The following DSTYK variants were observed in gnomAD, a reference collection of about 807,000 sequenced individuals.
DSTYK encodes the protein RIP-homologous kinase.
In DSTYK, 34 loss-of-function variants were observed where a neutral mutation model predicts 98.7. The observed-to-expected ratio is 0.34, with a 90% CI of 0.26 to 0.46. The LOEUF is 0.46. DSTYK is among the 20% of genes least tolerant of loss of function. DSTYK has a pLI of 1.00. For missense variants in DSTYK, 962 were observed against 1,181.7 expected, an observed-to-expected ratio of 0.81 and a Z score of 2.73; for synonymous variants, 462 against 457.3, an observed-to-expected ratio of 1.01 and a Z score of -0.13.
chr1:205,161,934 A>AC, intron 6 of DSTYK, 102 bp downstream of exon 6: 1 of 1,149,246 alleles, frequency 8.7e-7, no homozygotes. Context: ...ACACACAGAC[A>AC]CACACACATA....
rs760053061 is a variant in DSTYK, at chr1:205,169,823, C to G, written c.664G>C (p.Val222Leu). The change falls in exon 3 of 13, where the codon GTT becomes CTT. Residue 222 changes from valine to leucine, a missense_variant. Val to Leu is a conservative substitution (Grantham distance 32). This residue lies in a region of DSTYK where 660 missense variants were observed against 855.0 expected (regional missense o/e 0.77). Transcript: ENST00000367162. The surrounding 1 kb of genome is among the most constrained non-coding windows in gnomAD (Gnocchi z 4.0). ...MHHALLQEVD[V>L]VVAPCQGLRP... ...AGGCCTTGGCATGGTGCTACCACAACGTCCACTTCCTGGAAGGGGAAGGGG... is the reference window on the plus strand; with the variant it reads ...AGGCCTTGGCATGGTGCTACCACAAGGTCCACTTCCTGGAAGGGGAAGGGG... 6 of 1,609,526 alleles carry G rather than the reference C, an allele frequency of 3.7e-6. No homozygotes were observed. The highest frequency in any genetic ancestry group is 2.7e-5 in the African/African-American group (2 of 74,732).
chr1:205,151,109 G>T (rs1657389103), intron 10 of DSTYK, among the ~76,000 whole-genome samples: 1 of 152,106 alleles, frequency 6.6e-6, no homozygotes, highest in African/African-American at 2.4e-5. Context: ...CTTAAACATA[G>T]AAAAGGTACA....
chr1:205,160,724 T>C (rs188530143), intron 7 of DSTYK, among the ~76,000 whole-genome samples: 25 of 152,222 alleles, frequency 1.6e-4, no homozygotes, highest in African/African-American at 5.5e-4. Flanking sequence ...TCTAACCCAA[T>C]AGAAAATAAT....
Position 205,162,078 on chromosome 1 carries a change from C to T in DSTYK, c.1776G>A (p.Arg592=), listed in dbSNP as rs762031523. The change falls in exon 6 of 13, where the codon CGG becomes CGA. Residue 592 remains arginine, a synonymous_variant. Coordinates refer to ENST00000367162, the MANE Select transcript of DSTYK (RefSeq NM_015375.3). ...CAAAAGCCTCGTGGGAACTATTGAG[C>T]CGAGTCCGGAATTGGCTGCAAATGC... The part of the protein sequence containing the change: ...AKSICSQFRT[R]LNSSHEAFAA... The T allele has an allele frequency of 1.2e-6, 2 of 1,614,094 alleles. No individual in the cohort carries two copies. The highest frequency in any genetic ancestry group is 1.7e-6 in the Non-Finnish European group (2 of 1,179,978).
chr1:205,152,217 G>A (rs1172673181), intron 10 of DSTYK, among the ~76,000 whole-genome samples: 1 of 152,124 alleles, frequency 6.6e-6, no homozygotes, highest in Non-Finnish European at 1.5e-5. Flanking sequence ...CGCTCTTGTT[G>A]CCTAGGCTGG....
rs181152220 is a variant in DSTYK at position 205,177,055 on chromosome 1, A to C, written c.655-7223T>G. Among the ~76,000 whole-genome samples the C allele has an allele frequency of 3.6e-4, 54 of 152,028 alleles. 1 individual carries two copies. The highest frequency in any genetic ancestry group is 1.5e-5 in the Non-Finnish European group (1 of 67,966). ...ACTCCATCTCTACAAAAAATAAAAC[A>C]AATTAGCCGGGTATGGTGACACCCA... On this transcript the variant is annotated intron_variant, in intron 2 of 12. Transcript: ENST00000367162.
intron 2 of DSTYK, among the ~76,000 whole-genome samples, chr1:205,170,489 G>C (rs767931581): frequency 6.6e-6 from 1 of 152,048 alleles, no homozygotes; most frequent in African/African-American, 2.4e-5. Context: ...GCTTACTATC[G>C]TAGCTCCAGT....
chr1:205,205,857 T>C (rs1659183397), intron 1 of DSTYK, among the ~76,000 whole-genome samples: 1 of 152,250 alleles, frequency 6.6e-6, no homozygotes, highest in Non-Finnish European at 1.5e-5. Context: ...AACATAGCTG[T>C]AAGCTCACCA....
At position 205,147,085 on chromosome 1, in the gene DSTYK, T is replaced by C. The variant is rs1448699497; in HGVS notation, c.*473A>G. ...GCAGGAACCAGACATCCACAAGTTA[T>C]TGTTTTTGTCCCCATGTTTTCATAA... On this transcript the variant is annotated 3_prime_UTR_variant, in exon 13 of 13. Coordinates refer to ENST00000367162, the MANE Select transcript of DSTYK (RefSeq NM_015375.3). The C allele has an allele frequency of 6.5e-6, 1 of 153,352 alleles. No individual in the cohort carries two copies. Among genetic ancestry groups the C allele is most frequent in the African/African-American group, 2.4e-5 (1 of 41,450 alleles). 9.5% of individuals were successfully genotyped at this position (153,352 alleles called of 1,614,324 possible).
At chr1:205,149,652 G>A (rs1327075457) in intron 11 of DSTYK, among the ~76,000 whole-genome samples, 1 of 152,090 alleles carries the variant, frequency 6.6e-6, no homozygotes, top group Non-Finnish European at 1.5e-5. Flanking sequence ...TCTTACCTTG[G>A]TTCTTCCCAA....
chr1:205,149,432 G>A lies in DSTYK; in HGVS notation c.2468-1093C>T, dbSNP rs145771206. Among the ~76,000 whole-genome samples, 390 of 152,088 alleles carry A rather than the reference G, an allele frequency of 2.6e-3. 2 individuals carry two copies. The highest frequency in any genetic ancestry group is 8.7e-3 in the African/African-American group (361 of 41,474). On this transcript the variant is annotated intron_variant, in intron 11 of 12. Coordinates refer to ENST00000367162, the MANE Select transcript of DSTYK (RefSeq NM_015375.3). ...GACCAGGGACTACCTTTCTATCTTC[G>A]CTGGCAATGGAACAATCATTCCCAT...
intron 2 of DSTYK, among the ~76,000 whole-genome samples, chr1:205,182,064 G>T (rs191267524): frequency 2.6e-4 from 39 of 152,160 alleles, no homozygotes; most frequent in Admixed American, 1.5e-3. Context: ...AGCAATATCT[G>T]TTTATTAAAA....
intron 2 of DSTYK, among the ~76,000 whole-genome samples, chr1:205,182,762 C>T (rs1486861547): frequency 1.3e-5 from 2 of 151,126 alleles, no homozygotes; most frequent in South Asian, 2.1e-4. Context: ...GCCGAGATTG[C>T]GTCATTGCAT....
chr1:205,185,479 C>A (rs1658534928), intron 2 of DSTYK, among the ~76,000 whole-genome samples: 1 of 152,104 alleles, frequency 6.6e-6, no homozygotes, highest in Non-Finnish European at 1.5e-5. Flanking sequence ...TCCCCAGTAG[C>A]TGGGACTACA....
At chr1:205,201,460 T>G (rs1056673673) in intron 1 of DSTYK, among the ~76,000 whole-genome samples, 1 of 138,996 alleles carries the variant, frequency 7.2e-6, no homozygotes, top group Admixed American at 7.4e-5. Flanking sequence ...ACCTATGAAA[T>G]GCATATCATT....
At chr1:205,178,281 G>A (rs1309568865) in intron 2 of DSTYK, among the ~76,000 whole-genome samples, 2 of 151,852 alleles carry the variant, frequency 1.3e-5, no homozygotes, top group African/African-American at 2.4e-5. Context: ...TCTCTATCTC[G>A]AATGACAATG....
At chr1:205,173,731 T>G (rs930557385) in intron 2 of DSTYK, among the ~76,000 whole-genome samples, 3 of 152,130 alleles carry the variant, frequency 2.0e-5, no homozygotes, top group African/African-American at 7.2e-5. Context: ...TTGTTTTTTT[T>G]TTTTTGAGAT....
chr1:205,195,109 G>A (rs1318543944), intron 1 of DSTYK, among the ~76,000 whole-genome samples: 1 of 138,568 alleles, frequency 7.2e-6, no homozygotes, highest in Non-Finnish European at 1.7e-5. Flanking sequence ...TTACAGGTGT[G>A]AGCCACCATG....
rs6679974 is a variant in DSTYK, at chr1:205,159,712, G to A, written c.2106-33C>T. On this transcript the variant is annotated intron_variant, in intron 8 of 12. Coordinates refer to ENST00000367162, the MANE Select transcript of DSTYK (RefSeq NM_015375.3). ...GAAGGAGAGAGATCTGGGCTACAAG[G>A]CTTGGGCTCTAATCCTGCATGCCAT... 1.6e-3 allele frequency: 2,644 copies of A among 1,611,702 alleles called. 41 individuals carry two copies. The African/African-American group carries it at 0.031, about 19-fold the overall frequency.
Sources: allele counts gnomAD v4.1 joint callset (sites outside exome capture counted in the v4.1 genomes callset), GRCh38; gene constraint gnomAD v4.1.1; regional missense constraint gnomAD v4.1.1; non-coding constraint Gnocchi (gnomAD v3.1); transcripts MANE v1.5; gene names NCBI Gene and HGNC (gene_info 2026-07-23, HGNC 2026-07-21).